ALAD: variants seen among roughly 807,000 people sequenced by gnomAD.
The protein encoded by ALAD is aminolevulinate dehydratase, also known as delta-aminolevulinic acid dehydratase.
A neutral mutation model predicts 44.4 loss-of-function variants in ALAD; 20 were observed. The ratio of observed to expected loss-of-function variants is 0.45; its 90% CI spans 0.32 to 0.65. The LOEUF is 0.65. ALAD is among the 30% of genes least tolerant of loss of function. ALAD has a pLI of 0.05. For synonymous variants in ALAD, 156 were observed against 167.9 expected (o/e 0.93, Z 0.55); for missense variants, 323 against 445.7 (o/e 0.72, Z 2.48).
Position 113,388,205 on chromosome 9 carries a change from C to T in ALAD, c.*95G>A, listed in dbSNP as rs1827458729. 2 of 1,338,706 alleles carry T rather than the reference C, an allele frequency of 1.5e-6. No homozygotes were observed. The highest frequency in any genetic ancestry group is 2.1e-6 in the Non-Finnish European group (2 of 930,494). 82.9% of individuals were successfully genotyped at this position (1,338,706 alleles called of 1,614,324 possible). On this transcript the variant is annotated 3_prime_UTR_variant, in exon 12 of 12. Coordinates refer to ENST00000409155, the MANE Select transcript of ALAD (RefSeq NM_000031.6). ...TGTGAGCAGGAAGAGGGCATGAGGG[C>T]ACAGTTCTAAAAGCAGCATTTACTT...
intron 4 of ALAD, 48 bp downstream of exon 4, chr9:113,391,479 C>T (rs755751594): frequency 2.3e-5 from 36 of 1,554,544 alleles, no homozygotes; most frequent in Admixed American, 5.0e-5. Context: ...GCTGGGATTA[C>T]GGGCGTGAGC....
chr9:113,394,564 C>G (rs539802074), intron 1 of ALAD, among the ~76,000 whole-genome samples: 89 of 151,158 alleles, frequency 5.9e-4, no homozygotes, highest in African/African-American at 2.2e-3. Context: ...TATTGCATTG[C>G]ATTTTATCAA....
At chr9:113,390,053 TG>T (rs1827525699) in intron 7 of ALAD, among the ~76,000 whole-genome samples, 1 of 151,876 alleles carries the variant, frequency 6.6e-6, no homozygotes, top group South Asian at 2.1e-4. Context: ...TTTTTTGAGA[TG>T]GAGTCTAGCT....
At chr9:113,388,421 T>C in intron 11 of ALAD, 60 bp from the exon 12 acceptor site, 1 of 1,531,234 alleles carries the variant, frequency 6.5e-7, no homozygotes, top group Non-Finnish European at 9.0e-7. Context: ...TGAGCACACC[T>C]TCTGCGATGG....
At chr9:113,391,242 A>G (rs1326480404) in intron 4 of ALAD, among the ~76,000 whole-genome samples, 1 of 151,946 alleles carries the variant, frequency 6.6e-6, no homozygotes, top group Non-Finnish European at 1.5e-5. Context: ...TTGCTCTGTC[A>G]CCCAGGCTAG....
At chr9:113,389,187 C>T (rs1564368772) in intron 10 of ALAD, 81 bp from the exon 11 acceptor site, 1 of 1,577,456 alleles carries the variant, frequency 6.3e-7, no homozygotes, top group African/African-American at 1.3e-5. Context: ...CCTGCTCAAT[C>T]TGTGACCATC....
At chr9:113,400,290 C>G (rs1433542649) in intron 1 of ALAD, among the ~76,000 whole-genome samples, 20 of 152,172 alleles carry the variant, frequency 1.3e-4, no homozygotes, top group Admixed American at 1.3e-3. Context: ...CATGACACCT[C>G]CATACTTTAA....
intron 1 of ALAD, among the ~76,000 whole-genome samples, chr9:113,394,354 A>G (rs1827672749): frequency 6.6e-6 from 1 of 151,462 alleles, no homozygotes; most frequent in African/African-American, 2.4e-5. Flanking sequence ...CCTGGGCAAC[A>G]TGGCGAGACC....
rs1225758307 is a variant in ALAD at position 113,386,432 on chromosome 9, A to G, written c.*1868T>C. 1 of 152,240 alleles carries G rather than the reference A, an allele frequency of 6.6e-6. No individual in the cohort carries two copies. Among genetic ancestry groups the G allele is most frequent in the Non-Finnish European group, 1.5e-5 (1 of 68,048 alleles). The allele number at this position is 152,240 out of a possible 1,614,324, so 9.4% of individuals were successfully genotyped here. A position where few individuals can be genotyped will look rare whatever the true frequency, so the allele number is the denominator to read the frequency against. On this transcript the variant is annotated 3_prime_UTR_variant, in exon 12 of 12. Coordinates refer to ENST00000409155, the MANE Select transcript of ALAD (RefSeq NM_000031.6). ...TAAGTGTTCTGAGCATGTTTAAGGCAGGCTAGGCTAAGCTATGATGTTTGG... is the reference window on the plus strand; with the variant it reads ...TAAGTGTTCTGAGCATGTTTAAGGCGGGCTAGGCTAAGCTATGATGTTTGG...
intron 1 of ALAD, among the ~76,000 whole-genome samples, chr9:113,400,624 A>G (rs1827828528): frequency 1.3e-5 from 2 of 152,038 alleles, no homozygotes; most frequent in African/African-American, 4.8e-5. Context: ...GGAGTTCGAG[A>G]CTAGCCTGAC....
chr9:113,400,931 C>T (rs1295427893), intron 1 of ALAD, among the ~76,000 whole-genome samples: 1 of 152,238 alleles, frequency 6.6e-6, no homozygotes, highest in Non-Finnish European at 1.5e-5. Context: ...CCACCACCCG[C>T]ACCTCGGGTT....
rs1827454701 is a variant in ALAD at position 113,388,110 on chromosome 9, G to T, written c.*190C>A. On this transcript the variant is annotated 3_prime_UTR_variant, in exon 12 of 12. Transcript: ENST00000409155. ...GCGGGGAAGCTTGGGAGAGCTCATA[G>T]GATGCAGCTGCGAGTTACAAGAGTT... 4 of 655,228 alleles carry T rather than the reference G, an allele frequency of 6.1e-6. No homozygotes were observed. The East Asian group carries it at 1.1e-4, about 18-fold the overall frequency. 40.6% of individuals were successfully genotyped at this position (655,228 alleles called of 1,614,324 possible).
chr9:113,391,539 G>A lies in ALAD; in HGVS notation c.249C>T (p.Ser83=). The change falls in exon 4 of 12, where the codon AGC becomes AGT. Residue 83 remains serine, a synonymous_variant. Coordinates refer to ENST00000409155, the MANE Select transcript of ALAD (RefSeq NM_000031.6). ...TTTGATTCTTCACCTTGGGAACTCT[G>A]CTGGGGACGCCAAAGATCAAGACAC... is the stretch of plus-strand genomic sequence containing the variant. ...LRCVLIFGVP[S]RVPKDERGSA... 1 of 1,614,002 alleles carries A rather than the reference G, an allele frequency of 6.2e-7. No individual in the cohort carries two copies. Among genetic ancestry groups the A allele is most frequent in the Non-Finnish European group, 8.5e-7 (1 of 1,179,926 alleles).
At chr9:113,389,850 C>A in intron 7 of ALAD, 22 bp from the exon 8 acceptor site, 1 of 1,614,136 alleles carries the variant, frequency 6.2e-7, no homozygotes, top group Non-Finnish European at 8.5e-7. Flanking sequence ...CAATGGAGGT[C>A]TTGGCTTATT....
In ALAD at chr9:113,387,983, A is replaced by C. The variant is rs538745327; in HGVS notation, c.*317T>G. The C allele has an allele frequency of 1.1e-3, 475 of 418,984 alleles. 1 individual carries two copies. Among genetic ancestry groups the C allele is most frequent in the African/African-American group, 8.3e-3 (412 of 49,352 alleles). The allele number at this position is 418,984 out of a possible 1,614,324, so 26.0% of individuals were successfully genotyped here. The stretch of plus-strand genomic sequence containing the variant: ...AAGACCCTCTCCCAGCCAGGCCCCA[A>C]AGGCTGTGCCCCCGACTCCAGGTTG... On this transcript the variant is annotated 3_prime_UTR_variant, in exon 12 of 12. Coordinates refer to ENST00000409155, the MANE Select transcript of ALAD (RefSeq NM_000031.6).
rs1827568047 is a variant in ALAD at position 113,391,053 on chromosome 9, A to G, written c.262-120T>C. On this transcript the variant is annotated intron_variant, in intron 4 of 11. Coordinates refer to ENST00000409155, the MANE Select transcript of ALAD (RefSeq NM_000031.6). Reference sequence around the variant, plus strand: ...CTTCCTTCATCATCACAGCCCCTGGATAAGGAAGCACAGAGGACTGACCCT... The same window carrying G: ...CTTCCTTCATCATCACAGCCCCTGGGTAAGGAAGCACAGAGGACTGACCCT... 3 of 1,380,786 alleles carry G rather than the reference A, an allele frequency of 2.2e-6. No individual in the cohort carries two copies. In the East Asian group the frequency reaches 6.9e-5, roughly 32 times the overall value. 85.5% of individuals were successfully genotyped at this position (1,380,786 alleles called of 1,614,324 possible).
At chr9:113,394,577 A>C (rs1827678024) in intron 1 of ALAD, among the ~76,000 whole-genome samples, 1 of 149,252 alleles carries the variant, frequency 6.7e-6, no homozygotes, top group African/African-American at 2.5e-5. Flanking sequence ...TTTATCAAAG[A>C]ATCAATAAAT....
intron 1 of ALAD, among the ~76,000 whole-genome samples, chr9:113,398,379 T>C (rs528359423): frequency 7.9e-5 from 12 of 152,324 alleles, no homozygotes; most frequent in Admixed American, 6.5e-4. Context: ...TTCTGGCTTC[T>C]GAATCCAAAG....
At position 113,390,497 on chromosome 9, in the gene ALAD, G is replaced by A. The variant is rs1439416269; in HGVS notation, c.482-4C>T. ...GACGGGGCTACCACCTGACATCCTG[G>A]GGGGCAGAGGGTGGCCTTCAGAACT... On this transcript the variant is annotated splice_polypyrimidine_tract_variant and splice_region_variant and intron_variant, in intron 6 of 11. Transcript: ENST00000409155. The A allele has an allele frequency of 6.2e-7, 1 of 1,614,022 alleles. No homozygotes were observed.
Sources: allele counts gnomAD v4.1 joint callset (sites outside exome capture counted in the v4.1 genomes callset), GRCh38; gene constraint gnomAD v4.1.1; transcripts MANE v1.5; gene names NCBI Gene and HGNC (gene_info 2026-07-23, HGNC 2026-07-21).